The following GRN variants were observed in gnomAD, a reference collection of about 807,000 sequenced individuals.
GRN encodes granulin precursor, also known as progranulin.
In GRN, 30 loss-of-function variants were observed where a neutral mutation model predicts 66.7. The observed-to-expected ratio is 0.45, with a 90% CI of 0.34 to 0.61. The LOEUF (loss-of-function observed/expected upper bound fraction) is 0.61. GRN is among the 20% of genes least tolerant of loss of function. GRN has a pLI of 0.01. For synonymous variants in GRN, 327 were observed against 311.1 expected (o/e 1.05, Z -0.54); for missense variants, 731 against 803.5 (o/e 0.91, Z 1.09).
At chr17:44,350,130 G>T in intron 4 of GRN, 98 bp from the exon 5 acceptor site, 1 of 864,322 alleles carries the variant, frequency 1.2e-6, no homozygotes, top group East Asian at 2.4e-5. Flanking sequence ...AACCCCAGTA[G>T]CTGGGCTTGC....
chr17:44,349,851 G>C, intron 4 of GRN, 100 bp downstream of exon 4: 1 of 793,536 alleles, frequency 1.3e-6, no homozygotes, highest in East Asian at 2.6e-5. Flanking sequence ...TCCTGCCCTT[G>C]TGCCCTCATT....
intron 1 of GRN, chr17:44,346,377 G>A (rs2048326598): frequency 6.6e-6 from 1 of 152,572 alleles, no homozygotes; most frequent in Non-Finnish European, 1.5e-5. Context: ...CAGAGAGGAT[G>A]TGAGTGACTG....
rs117883091 is a variant in GRN, at chr17:44,348,113, G to A, written c.-7-1045G>A. On this transcript the variant is annotated intron_variant, in intron 1 of 12. Coordinates refer to ENST00000053867, the MANE Select transcript of GRN (RefSeq NM_002087.4). The stretch of plus-strand genomic sequence containing the variant: ...AAAGGTATTAATTACTACTTTGGAT[G>A]GTTGTTGCAAAGAAATATATATAAA... Among the ~76,000 whole-genome samples the A allele has an allele frequency of 3.1e-3, 465 of 152,260 alleles. 9 individuals are homozygous for A. The East Asian group carries it at 0.056, about 18-fold the overall frequency.
rs1222011185 is a variant in GRN, at chr17:44,347,900, A to G, written c.-7-1258A>G. Among the ~76,000 whole-genome samples, 5 of 146,982 alleles carry G rather than the reference A, an allele frequency of 3.4e-5. No individual in the cohort carries two copies. In the Admixed American group the frequency reaches 3.5e-4, roughly 10 times the overall value. On this transcript the variant is annotated intron_variant, in intron 1 of 12. Transcript: ENST00000053867. ...AGCTGAGATCGTGCCACTGAACTCG[A>G]GCATGGGCAACAGAGCAAGACTGTC...
At chr17:44,349,821 C>A in intron 4 of GRN, 70 bp downstream of exon 4, 2 of 1,037,748 alleles carry the variant, frequency 1.9e-6, no homozygotes, top group South Asian at 1.3e-5. Context: ...AGGAGCCCAG[C>A]TGGCGGGGGC....
At chr17:44,347,345 T>C (rs1336404408) in intron 1 of GRN, among the ~76,000 whole-genome samples, 2 of 151,958 alleles carry the variant, frequency 1.3e-5, no homozygotes, top group Non-Finnish European at 2.9e-5. Flanking sequence ...CTGGAGTATG[T>C]TGGCGTGATC....
chr17:44,352,912 TC>T lies in GRN; in HGVS notation c.*118del, dbSNP rs2048393387. Reference sequence around the variant, plus strand: ...ATTCTCCCTGGACCCCATTCTGAGCTCCCCATCACCATGGGAGGTGGGGCCT... The same window carrying T: ...ATTCTCCCTGGACCCCATTCTGAGCTCCCATCACCATGGGAGGTGGGGCCT... On this transcript the variant is annotated 3_prime_UTR_variant, in exon 13 of 13. Transcript: ENST00000053867. 1 of 1,028,656 alleles carries T rather than the reference TC, an allele frequency of 9.7e-7. No individual in the cohort carries two copies. The highest frequency in any genetic ancestry group is 1.5e-6 in the Non-Finnish European group (1 of 682,384). The allele number at this position is 1,028,656 out of a possible 1,614,324, so 63.7% of individuals were successfully genotyped here.
At chr17:44,346,577 C>T (rs1170527808) in intron 1 of GRN, among the ~76,000 whole-genome samples, 1 of 152,140 alleles carries the variant, frequency 6.6e-6, no homozygotes, top group Non-Finnish European at 1.5e-5. Context: ...CATTCCCAGG[C>T]ACTGCCCATC....
chr17:44,350,215 A>G lies in GRN; in HGVS notation c.350-13A>G. The G allele has an allele frequency of 6.3e-7, 1 of 1,578,890 alleles. No individual in the cohort carries two copies. The highest frequency in any genetic ancestry group is 1.1e-5 in the South Asian group (1 of 90,376). ...GAGTGGGCTGGTAGTATCCTGGGTCATCTTGTCCACAGGTAACAACTCCGT... is the reference window on the plus strand; with the variant it reads ...GAGTGGGCTGGTAGTATCCTGGGTCGTCTTGTCCACAGGTAACAACTCCGT... On this transcript the variant is annotated splice_polypyrimidine_tract_variant and intron_variant, in intron 4 of 12. Coordinates refer to ENST00000053867, the MANE Select transcript of GRN (RefSeq NM_002087.4).
At position 44,351,575 on chromosome 17, in the gene GRN, A is replaced by G; in HGVS notation, c.959A>G (p.His320Arg). ...TQAVCCEDHI[H>R]CCPAGFTCDT... Reference sequence around the variant, plus strand: ...GCTGTGTGCTGTGAGGACCACATACACTGCTGTCCCGCGGGGTTTACGTGT... The same window carrying G: ...GCTGTGTGCTGTGAGGACCACATACGCTGCTGTCCCGCGGGGTTTACGTGT... The change falls in exon 10 of 13, where the codon CAC becomes CGC. Residue 320 changes from histidine (H) to arginine (R), a missense_variant. His to Arg is a conservative substitution (Grantham distance 29, BLOSUM62 0). This residue lies in a region of GRN where 42 missense variants were observed against 76.6 expected (regional missense o/e 0.55). Transcript: ENST00000053867. 1 of 1,613,932 alleles carries G rather than the reference A, an allele frequency of 6.2e-7. No individual in the cohort carries two copies. The highest frequency in any genetic ancestry group is 8.5e-7 in the Non-Finnish European group (1 of 1,179,920).
chr17:44,351,908 C>T (rs2048378903), intron 10 of GRN, 107 bp from the exon 11 acceptor site: 1 of 1,472,996 alleles, frequency 6.8e-7, no homozygotes, highest in Admixed American at 1.7e-5. Context: ...GATTCGTCCC[C>T]AGCTGGAGGT....
intron 1 of GRN, among the ~76,000 whole-genome samples, chr17:44,348,363 C>T (rs2048340764): frequency 6.6e-6 from 1 of 152,184 alleles, no homozygotes; most frequent in Admixed American, 6.6e-5. Context: ...CGTGGTCTCT[C>T]TCCACATGTG....
At position 44,352,775 on chromosome 17, in the gene GRN, C is replaced by G. The variant is rs1466147232; in HGVS notation, c.1759C>G (p.Pro587Ala). Reference protein sequence around the residue: ...APRWDAPLRDPALRQLL With the variant: ...APRWDAPLRDAALRQLL ...GCGCTGGGACGCCCCTTTGAGGGAC[C>G]CAGCCTTGAGACAGCTGCTGTGAGG... Residue 587 changes from proline to alanine, a missense_variant, in exon 13 of 13, where the codon CCA becomes GCA. Transcript: ENST00000053867. 6.2e-7 allele frequency: 1 copy of G among 1,611,738 alleles called. No homozygotes were observed. The highest frequency in any genetic ancestry group is 8.5e-7 in the Non-Finnish European group (1 of 1,179,974).
chr17:44,345,917 G>A (rs992711322), intron 1 of GRN, among the ~76,000 whole-genome samples: 1 of 152,196 alleles, frequency 6.6e-6, no homozygotes, highest in African/African-American at 2.4e-5. Context: ...GAGTTGGGGG[G>A]TGCCACCTAG....
At position 44,350,291 on chromosome 17, in the gene GRN, C is replaced by T. The variant is rs146769257; in HGVS notation, c.413C>T (p.Thr138Met). 1.4e-5 allele frequency: 22 copies of T among 1,613,304 alleles called. No homozygotes were observed. Among genetic ancestry groups the T allele is most frequent in the South Asian group, 3.3e-5 (3 of 91,068 alleles). ...DSQFECPDFSTCCVMVDGSWG... is the reference protein window; with the variant it reads ...DSQFECPDFSMCCVMVDGSWG... The stretch of plus-strand genomic sequence containing the variant: ...CAGTTCGAATGCCCGGACTTCTCCA[C>T]GTGCTGTGTTATGGTCGATGGCTCC... The change falls in exon 5 of 13, where the codon ACG (threonine) becomes ATG (methionine). Residue 138 changes from threonine (T) to methionine (M), a missense_variant. Thr to Met is a moderately conservative substitution (Grantham distance 81). Coordinates refer to ENST00000053867, the MANE Select transcript of GRN (RefSeq NM_002087.4).
Position 44,351,771 on chromosome 17 carries a change from G to A in GRN, c.1155G>A (p.Glu385=). The A allele has an allele frequency of 6.2e-7, 1 of 1,613,480 alleles. No homozygotes were observed. The highest frequency in any genetic ancestry group is 8.5e-7 in the Non-Finnish European group (1 of 1,179,902). ...CCTGCTGCCAACTCACGTCTGGGGA[G>A]TGGGGCTGCTGTCCAATCCCAGAGG... The part of the protein sequence containing the change: ...SDTCCQLTSG[E]WGCCPIPEAV... Residue 385 remains glutamate, a synonymous_variant, in exon 10 of 13, where the codon GAG becomes GAA. Coordinates refer to ENST00000053867, the MANE Select transcript of GRN (RefSeq NM_002087.4).
intron 10 of GRN, 26 bp downstream of exon 10, chr17:44,351,821 G>T: frequency 6.2e-7 from 1 of 1,609,260 alleles, no homozygotes. Flanking sequence ...CAGCATCTTG[G>T]CCTGGGCAGG....
chr17:44,351,692 C>A lies in GRN; in HGVS notation c.1076C>A (p.Ala359Asp), dbSNP rs371073236. ...PAHLSLPDPQALKRDVPCDNV... is the reference protein window; with the variant it reads ...PAHLSLPDPQDLKRDVPCDNV... ...CACCTCAGCCTGCCAGACCCACAAG[C>A]CTTGAAGAGAGATGTCCCCTGTGAT... The change falls in exon 10 of 13, where the codon GCC (alanine) becomes GAC (aspartate). Residue 359 changes from alanine (A) to aspartate (D), a missense_variant. Ala to Asp is a moderately radical substitution (Grantham distance 126, BLOSUM62 -2). Around this residue, in one of 3 missense-constraint regions of GRN, gnomAD observed 319 missense variants for 347.2 expected, o/e 0.92. Coordinates refer to ENST00000053867, the MANE Select transcript of GRN (RefSeq NM_002087.4). The A allele has an allele frequency of 6.2e-7, 1 of 1,613,866 alleles. No individual in the cohort carries two copies. The highest frequency in any genetic ancestry group is 8.5e-7 in the Non-Finnish European group (1 of 1,179,988).
chr17:44,352,012 C>A lies in GRN; in HGVS notation c.1180-3C>A. On this transcript the variant is annotated splice_polypyrimidine_tract_variant and splice_region_variant and intron_variant, in intron 10 of 12. Transcript: ENST00000053867. ...ACAACGCCCTTTCCTGCCCACCCCC[C>A]AGGCTGTCTGCTGCTCGGACCACCA... 6.2e-7 allele frequency: 1 copy of A among 1,610,830 alleles called. No homozygotes were observed. Among genetic ancestry groups the A allele is most frequent in the Non-Finnish European group, 8.5e-7 (1 of 1,178,008 alleles).
Sources: allele counts gnomAD v4.1 joint callset (sites outside exome capture counted in the v4.1 genomes callset), GRCh38; gene constraint gnomAD v4.1.1; regional missense constraint gnomAD v4.1.1; transcripts MANE v1.5; gene names NCBI Gene and HGNC (gene_info 2026-07-23, HGNC 2026-07-21).